Variants in STK3 observed in about 807,000 individuals in gnomAD.
The protein encoded by STK3 is serine/threonine kinase 3.
In STK3, 41 loss-of-function variants were observed where a neutral mutation model predicts 58.0. The ratio of observed to expected loss-of-function variants is 0.71; its 90% confidence interval spans 0.55 to 0.92. STK3 has a LOEUF of 0.92. Ranked by LOEUF, STK3 falls within the 40% of genes least tolerant of loss-of-function variation. The pLI, the probability that STK3 is intolerant of heterozygous loss-of-function variation, is 0.00. For missense variants in STK3, 479 were observed against 602.7 expected, an observed-to-expected ratio of 0.79 and a Z score of 2.15; for synonymous variants, 170 against 191.0, an observed-to-expected ratio of 0.89 and a Z score of 0.91.
chr8:98,410,679 C>G (rs1818044147), intron 3 of STK3, among the ~76,000 whole-genome samples: 1 of 152,186 alleles, frequency 6.6e-6, no homozygotes, highest in Admixed American at 6.5e-5. Flanking sequence ...TTAAGTATGT[C>G]TATGATATGA....
chr8:98,939,370 C>T (rs752915650), intron 1 of STK3, among the ~76,000 whole-genome samples: 123 of 152,152 alleles, frequency 8.1e-4, no homozygotes, highest in Non-Finnish European at 1.4e-3. Flanking sequence ...ATTGCCAGGC[C>T]CCACTCCCAG....
chr8:98,355,520 A>G, the STK3 span, among the ~76,000 whole-genome samples: 5 of 152,248 alleles, frequency 3.3e-5, no homozygotes, highest in African/African-American at 1.2e-4. Context: ...CATGATAGCA[A>G]CTGCTGGGGG....
rs563719348 is a variant in STK3, at chr8:98,775,048, T to C, written c.27-229A>G. ...TTATTAGTTTTTTGTGAAACCTTTATATAAATATGAATACATATTCTTAAT... is the reference window on the plus strand; with the variant it reads ...TTATTAGTTTTTTGTGAAACCTTTACATAAATATGAATACATATTCTTAAT... On this transcript the variant is annotated intron_variant, in intron 1 of 10. Transcript: ENST00000419617. 3.3e-5 allele frequency among the ~76,000 whole-genome samples: 5 copies of C among 152,332 alleles called. No individual in the cohort carries two copies. In the South Asian group the frequency reaches 8.3e-4, roughly 25 times the overall value.
chr8:98,617,717 A>G (rs1372343888), intron 6 of STK3, among the ~76,000 whole-genome samples: 1 of 151,806 alleles, frequency 6.6e-6, no homozygotes, highest in Non-Finnish European at 1.5e-5. Context: ...ATCTAGAAGA[A>G]ATGGATACAT....
intron 10 of STK3, among the ~76,000 whole-genome samples, chr8:98,472,704 T>C (rs1821014931): frequency 1.3e-5 from 2 of 152,166 alleles, no homozygotes; most frequent in African/African-American, 2.4e-5. Context: ...TAGCCTATCA[T>C]AGGCTTTATC....
chr8:98,440,423 T>C (rs1445567149), intron 1 of STK3, among the ~76,000 whole-genome samples: 1 of 152,250 alleles, frequency 6.6e-6, no homozygotes, highest in African/African-American at 2.4e-5. Context: ...TTCGCATTAT[T>C]GTGCAACCAT....
intron 8 of STK3, among the ~76,000 whole-genome samples, chr8:98,578,645 C>T (rs1040033376): frequency 3.3e-5 from 5 of 152,120 alleles, no homozygotes; most frequent in Non-Finnish European, 5.9e-5. Context: ...CATTTGTATA[C>T]AGAAACTGTA....
At chr8:98,812,927 C>T (rs180831052) in intron 1 of STK3, among the ~76,000 whole-genome samples, 2 of 151,770 alleles carry the variant, frequency 1.3e-5, no homozygotes, top group East Asian at 1.9e-4. Flanking sequence ...AGGAGATATA[C>T]CTAATGTAAA....
chr8:98,699,796 C>G (rs1003893310), intron 6 of STK3, among the ~76,000 whole-genome samples: 2 of 152,228 alleles, frequency 1.3e-5, no homozygotes, highest in African/African-American at 4.8e-5. Context: ...CCCAGTTAGG[C>G]TGCTCCGGGG....
At chr8:98,903,748 T>G (rs1488821793) in intron 1 of STK3, among the ~76,000 whole-genome samples, 1 of 152,076 alleles carries the variant, frequency 6.6e-6, no homozygotes, top group Non-Finnish European at 1.5e-5. Context: ...AATGTTGCAT[T>G]ATAAAGTCCT....
At chr8:98,382,374 G>T (rs190766139) in intron 1 of STK3, among the ~76,000 whole-genome samples, 1 of 152,120 alleles carries the variant, frequency 6.6e-6, no homozygotes, top group Non-Finnish European at 1.5e-5. Flanking sequence ...CTAAATTATC[G>T]CAGTGTACAT....
At chr8:98,367,614 C>CA (rs1563585036), downstream of STK3, among the ~76,000 whole-genome samples, 1 of 152,190 alleles carries the variant, frequency 6.6e-6, no homozygotes, top group Non-Finnish European at 1.5e-5. Context: ...GGGGCTGGAG[C>CA]GGGGTTTCTT....
chr8:98,791,010 G>T (rs191530797), intron 1 of STK3, among the ~76,000 whole-genome samples: 1 of 150,774 alleles, frequency 6.6e-6, no homozygotes, highest in Admixed American at 6.6e-5. Flanking sequence ...CATTCAAATC[G>T]GTTAAGAGGA....
At chr8:98,557,913 G>A (rs1245782781) in intron 8 of STK3, among the ~76,000 whole-genome samples, 1 of 151,998 alleles carries the variant, frequency 6.6e-6, no homozygotes, top group African/African-American at 2.4e-5. Context: ...AAGCCTAATT[G>A]GTGAAAAGGC....
At position 98,595,064 on chromosome 8, in the gene STK3, A is replaced by AT. The variant is rs1815688866; in HGVS notation, c.822+967dup. 14 of 151,868 alleles carry AT rather than the reference A, an allele frequency of 9.2e-5. No individual in the cohort carries two copies. The South Asian group carries it at 2.9e-3, about 32-fold the overall frequency. 9.4% of individuals were successfully genotyped at this position (151,868 alleles called of 1,614,324 possible). ...CAATGTTCTACGAATATTTTTACAC[A>AT]TGTTATTTCACACATGGTTAAATAT... On this transcript the variant is annotated intron_variant, in intron 7 of 10. Coordinates refer to ENST00000419617, the MANE Select transcript of STK3 (RefSeq NM_006281.4).
intron 3 of STK3, among the ~76,000 whole-genome samples, chr8:98,421,849 G>A (rs559897968): frequency 3.1e-4 from 47 of 152,204 alleles, no homozygotes; most frequent in African/African-American, 1.1e-3. Context: ...TCAGTGGAGG[G>A]CCCCCAAGGG....
chr8:98,359,835 C>A, the STK3 span, among the ~76,000 whole-genome samples: 1 of 152,192 alleles, frequency 6.6e-6, no homozygotes, highest in Non-Finnish European at 1.5e-5. Flanking sequence ...TGGTCTTGCC[C>A]TTTCTGCTCT....
chr8:98,344,853 A>C, the STK3 span, among the ~76,000 whole-genome samples: 8 of 133,054 alleles, frequency 6.0e-5, no homozygotes, highest in Admixed American at 4.4e-4. Flanking sequence ...AGATCCCGCC[A>C]CTGCACTCCA....
At chr8:98,900,204 G>A (rs1838602142) in intron 1 of STK3, among the ~76,000 whole-genome samples, 2 of 151,774 alleles carry the variant, frequency 1.3e-5, no homozygotes, top group South Asian at 4.1e-4. Context: ...AGCCTCCCGA[G>A]TAGCAGAGAT....
Sources: gnomAD v4.1 joint callset for allele counts (sites outside exome capture counted in the v4.1 genomes callset) on GRCh38, gnomAD v4.1.1 for gene constraint, MANE v1.5 for transcripts, NCBI Gene and HGNC (gene_info 2026-07-23, HGNC 2026-07-21) for gene names.